The following TRDN variants were observed in gnomAD, a reference collection of about 807,000 sequenced individuals.
TRDN encodes triadin.
A neutral mutation model predicts 149.7 loss-of-function variants in TRDN; 161 were observed. That is an observed-to-expected ratio of 1.08 (90% CI 0.95 to 1.23). The LOEUF is 1.23. Among genes scored for constraint, TRDN ranks in the 50% most tolerant of loss-of-function variants. The pLI, the probability that TRDN is intolerant of heterozygous loss-of-function variation, is 0.00. For synonymous variants in TRDN, 294 were observed against 250.5 expected (o/e 1.17, Z -1.64); for missense variants, 896 against 823.5 (o/e 1.09, Z -1.08).
chr6:123,300,159 ACCACCTT>A (rs1264245171), intron 24 of TRDN, among the ~76,000 whole-genome samples: 2 of 151,956 alleles, frequency 1.3e-5, no homozygotes, highest in Non-Finnish European at 2.9e-5. Flanking sequence ...TTTCATTACT[ACCACCTT>A]CCTGAGTTAA....
At chr6:123,538,370 A>T (rs1780655491) in intron 4 of TRDN, among the ~76,000 whole-genome samples, 2 of 152,200 alleles carry the variant, frequency 1.3e-5, no homozygotes, top group African/African-American at 4.8e-5. Flanking sequence ...ATAATGCCAA[A>T]CACAGCTGTT....
intron 2 of TRDN, among the ~76,000 whole-genome samples, chr6:123,569,907 A>C (rs1782476405): frequency 6.6e-6 from 1 of 152,214 alleles, no homozygotes; most frequent in East Asian, 1.9e-4. Flanking sequence ...ACACATATCC[A>C]AACTATATCA....
chr6:123,331,521 T>G (rs1779657606), intron 23 of TRDN, among the ~76,000 whole-genome samples: 2 of 152,022 alleles, frequency 1.3e-5, no homozygotes, highest in African/African-American at 4.8e-5. Context: ...ACTGAGAAAT[T>G]TTTACTATTT....
In TRDN at chr6:123,388,575, A is replaced by G. The variant is rs563924238; in HGVS notation, c.1106-24T>C. Reference sequence around the variant, plus strand: ...TGCTGAAGTAATGAAAATAGCGTTAAGGCATATGAAATGACCATTCCTCAG... The same window carrying G: ...TGCTGAAGTAATGAAAATAGCGTTAGGGCATATGAAATGACCATTCCTCAG... On this transcript the variant is annotated intron_variant, in intron 13 of 40. Coordinates refer to ENST00000334268, the MANE Select transcript of TRDN (RefSeq NM_006073.4). 36 of 1,574,718 alleles carry G rather than the reference A, an allele frequency of 2.3e-5. No homozygotes were observed. The African/African-American group carries it at 4.2e-4, about 18-fold the overall frequency.
chr6:123,501,149 G>A (rs990177891), intron 8 of TRDN, among the ~76,000 whole-genome samples: 1 of 151,930 alleles, frequency 6.6e-6, no homozygotes, highest in Non-Finnish European at 1.5e-5. Flanking sequence ...AGCAGAAAAA[G>A]AGATGTATTA....
chr6:123,371,787 AC>A (rs1447311829), intron 19 of TRDN, among the ~76,000 whole-genome samples: 1 of 152,070 alleles, frequency 6.6e-6, no homozygotes, highest in African/African-American at 2.4e-5. Flanking sequence ...AGCATGCCTT[AC>A]CCTACCACCT....
intron 2 of TRDN, among the ~76,000 whole-genome samples, chr6:123,561,380 C>T (rs891837015): frequency 6.6e-6 from 1 of 152,162 alleles, no homozygotes; most frequent in Non-Finnish European, 1.5e-5. Flanking sequence ...AATACTTTTA[C>T]CACTTGCCCT....
At chr6:123,317,981 G>T (rs1779095058) in intron 23 of TRDN, among the ~76,000 whole-genome samples, 1 of 151,922 alleles carries the variant, frequency 6.6e-6, no homozygotes, top group Non-Finnish European at 1.5e-5. Context: ...AAAAATAAGT[G>T]ATGTCTTTAT....
intron 12 of TRDN, among the ~76,000 whole-genome samples, chr6:123,434,304 C>T (rs1774464005): frequency 6.6e-6 from 1 of 152,194 alleles, no homozygotes; most frequent in South Asian, 2.1e-4. Context: ...ATCTTACAGA[C>T]TCACTTGCAG....
intron 6 of TRDN, among the ~76,000 whole-genome samples, chr6:123,514,953 G>A (rs1449700290): frequency 2.6e-5 from 4 of 151,896 alleles, no homozygotes; most frequent in African/African-American, 9.7e-5. Context: ...GGGAGGGAGA[G>A]CATTAGGACA....
intron 24 of TRDN, among the ~76,000 whole-genome samples, chr6:123,301,774 T>TATATATATATACATATATATATATAC (rs1778433270): frequency 7.2e-6 from 1 of 138,664 alleles, no homozygotes; most frequent in Admixed American, 7.8e-5. Flanking sequence ...TATATACATA[T>TATATATATATACATATATATATATAC]ATATATATAT....
At position 123,438,041 on chromosome 6, in the gene TRDN, G is replaced by A. The variant is rs6922346; in HGVS notation, c.1051+22C>T. On this transcript the variant is annotated intron_variant, in intron 12 of 40. Transcript: ENST00000334268. ...AACATCCTGAACGTAATCCATCTAA[G>A]GAAACAAAGAAAGTGCAATACCTTT... 1.8e-3 allele frequency: 2,920 copies of A among 1,587,508 alleles called. 40 individuals carry two copies. The African/African-American group carries it at 0.034, about 19-fold the overall frequency.
At chr6:123,482,186 A>C (rs953096565) in intron 9 of TRDN, among the ~76,000 whole-genome samples, 2 of 152,228 alleles carry the variant, frequency 1.3e-5, no homozygotes, top group African/African-American at 4.8e-5. Context: ...ATTAAAAAGA[A>C]ATCTGGTTTT....
Position 123,384,549 on chromosome 6 carries a change from T to A in TRDN, c.1136-2402A>T, listed in dbSNP as rs541943549. 1.1e-4 allele frequency among the ~76,000 whole-genome samples: 16 copies of A among 152,300 alleles called. 1 individual carries two copies. In the Middle Eastern group the frequency reaches 0.01, roughly 97 times the overall value. On this transcript the variant is annotated intron_variant, in intron 14 of 40. Coordinates refer to ENST00000334268, the MANE Select transcript of TRDN (RefSeq NM_006073.4). The stretch of plus-strand genomic sequence containing the variant: ...ATCCCTATATTCTCTGACCAGATAC[T>A]GGAATGGAATATGTACAGAAAGTTC...
At chr6:123,408,950 T>C (rs1773315896) in intron 12 of TRDN, among the ~76,000 whole-genome samples, 1 of 152,172 alleles carries the variant, frequency 6.6e-6, no homozygotes, top group South Asian at 2.1e-4. Context: ...TACAAAATGT[T>C]ACCCTCCTAA....
intron 33 of TRDN, among the ~76,000 whole-genome samples, chr6:123,262,667 T>C (rs1277672012): frequency 6.6e-6 from 1 of 152,104 alleles, no homozygotes; most frequent in Non-Finnish European, 1.5e-5. Flanking sequence ...ATTAAGCCTA[T>C]TGGTGTAATT....
chr6:123,624,734 T>G (rs534620835), intron 1 of TRDN, among the ~76,000 whole-genome samples: 2 of 152,274 alleles, frequency 1.3e-5, no homozygotes, highest in South Asian at 2.1e-4. Flanking sequence ...GTTGGTATTT[T>G]TTTTTATTTC....
At chr6:123,239,534 A>T (rs1383537251) in intron 38 of TRDN, among the ~76,000 whole-genome samples, 2 of 152,140 alleles carry the variant, frequency 1.3e-5, no homozygotes, top group African/African-American at 4.8e-5. Flanking sequence ...TTTCAAAGAA[A>T]ACACTTTTCC....
At chr6:123,464,344 C>T (rs972176982) in intron 10 of TRDN, 2 of 975,818 alleles carry the variant, frequency 2.0e-6, no homozygotes, top group African/African-American at 1.8e-5. Flanking sequence ...GTATATAGTA[C>T]TTATAAACTA....
Sources: allele counts gnomAD v4.1 joint callset (sites outside exome capture counted in the v4.1 genomes callset), GRCh38; gene constraint gnomAD v4.1.1; transcripts MANE v1.5; gene names NCBI Gene and HGNC (gene_info 2026-07-23, HGNC 2026-07-21).